Variants in OGFOD1 observed in about 807,000 individuals in gnomAD.
The protein encoded by OGFOD1 is prolyl 3-hydroxylase OGFOD1.
Under a neutral mutation model 67.7 loss-of-function variants are expected in OGFOD1, and 54 were observed. The observed-to-expected ratio is 0.80, with a 90% CI of 0.64 to 1.00. The LOEUF is 1.00. OGFOD1 is among the 50% of genes least tolerant of loss of function. OGFOD1 has a pLI of 0.00. For synonymous variants in OGFOD1, 221 were observed against 227.0 expected, an observed-to-expected ratio of 0.97 and a Z score of 0.24; for missense variants, 606 against 646.7, an observed-to-expected ratio of 0.94 and a Z score of 0.68.
At chr16:56,464,267 G>C (rs1181609989) in intron 4 of OGFOD1, among the ~76,000 whole-genome samples, 1 of 152,204 alleles carries the variant, frequency 6.6e-6, no homozygotes, top group African/African-American at 2.4e-5. Context: ...CATGGTTTCA[G>C]TGTGTCACAT....
Position 56,476,277 on chromosome 16 carries a change from G to T in OGFOD1, c.*72G>T. 7.1e-7 allele frequency: 1 copy of T among 1,408,104 alleles called. No homozygotes were observed. The highest frequency in any genetic ancestry group is 9.7e-7 in the Non-Finnish European group (1 of 1,029,054). 87.2% of individuals were successfully genotyped at this position (1,408,104 alleles called of 1,614,324 possible). A position where few individuals can be genotyped will look rare whatever the true frequency, so the allele number is the denominator to read the frequency against. On this transcript the variant is annotated 3_prime_UTR_variant, in exon 13 of 13. Coordinates refer to ENST00000566157, the MANE Select transcript of OGFOD1 (RefSeq NM_018233.4). ...GGGAAGTCTGAAAGAGCTAAGCATG[G>T]AGTCAAGGAGAACTACATGGTAGCT...
chr16:56,463,423 G>C (rs1299874527), intron 4 of OGFOD1, among the ~76,000 whole-genome samples: 1 of 71,048 alleles, frequency 1.4e-5, no homozygotes, highest in East Asian at 4.3e-4. Context: ...TTGGTTTGTT[G>C]GTTCGTTGGT....
At chr16:56,463,977 C>G (rs1390968925) in intron 4 of OGFOD1, among the ~76,000 whole-genome samples, 1 of 152,078 alleles carries the variant, frequency 6.6e-6, no homozygotes, top group Non-Finnish European at 1.5e-5. Flanking sequence ...ATTCAGGTTT[C>G]ATTATTTGGT....
chr16:56,461,096 C>T (rs1962696103), intron 3 of OGFOD1, among the ~76,000 whole-genome samples: 2 of 152,350 alleles, frequency 1.3e-5, no homozygotes, highest in South Asian at 4.1e-4. Flanking sequence ...TCTTCTAAAA[C>T]AGTGCCACCC....
intron 4 of OGFOD1, among the ~76,000 whole-genome samples, chr16:56,463,384 G>GT (rs56388148): frequency 0.033 from 1,447 of 43,836 alleles, 94 homozygotes; most frequent in African/African-American, 0.045. Flanking sequence ...TCTTTTTTGG[G>GT]TTTTTTTTTT....
Position 56,467,940 on chromosome 16 carries a change from T to C in OGFOD1, c.822T>C (p.Tyr274=), listed in dbSNP as rs774046136. 8.7e-6 allele frequency: 14 copies of C among 1,607,210 alleles called. No individual in the cohort carries two copies. The highest frequency in any genetic ancestry group is 1.1e-5 in the Non-Finnish European group (13 of 1,173,770). Residue 274 remains tyrosine, a synonymous_variant, in exon 8 of 13, where the codon TAT becomes TAC. Coordinates refer to ENST00000566157, the MANE Select transcript of OGFOD1 (RefSeq NM_018233.4). ...TGTATGATTGGATCAACCCTACTTA[T>C]CTGGACATGGATTACCAAGTTCAAA... The part of the protein sequence containing the change: ...EILYDWINPT[Y]LDMDYQVQIQ...
intron 1 of OGFOD1, among the ~76,000 whole-genome samples, chr16:56,452,694 T>G (rs1962382018): frequency 6.6e-6 from 1 of 152,158 alleles, no homozygotes; most frequent in African/African-American, 2.4e-5. Flanking sequence ...AATGAGATCA[T>G]GGGCCTGGCA....
chr16:56,453,280 A>G lies in OGFOD1; in HGVS notation c.172A>G (p.Met58Val), dbSNP rs371136180. 6.2e-7 allele frequency: 1 copy of G among 1,613,194 alleles called. No individual in the cohort carries two copies. The highest frequency in any genetic ancestry group is 8.5e-7 in the Non-Finnish European group (1 of 1,179,796). Residue 58 changes from methionine to valine, a missense_variant, in exon 2 of 13, where the codon ATG becomes GTG. Physicochemically the swap from Met to Val is conservative, Grantham distance 21 (BLOSUM62 1). Transcript: ENST00000566157. ...TCCAACAGAAGTCATTGTCATGGAC[A>G]TGGACCCTTTTCTTCACTGTGTGAT... The part of the protein sequence containing the change: ...PFSHEVIVMD[M>V]DPFLHCVIPN...
intron 9 of OGFOD1, 69 bp from the exon 10 acceptor site, chr16:56,470,418 C>T (rs779671246): frequency 7.4e-7 from 1 of 1,359,016 alleles, no homozygotes; most frequent in African/African-American, 1.5e-5. Context: ...AGCTAACGAT[C>T]AGCTTTTATT....
intron 4 of OGFOD1, chr16:56,465,895 G>A: frequency 3.1e-6 from 1 of 320,472 alleles, no homozygotes; most frequent in Non-Finnish European, 5.8e-6. Context: ...AATACTGGAA[G>A]ATGATATGTA....
chr16:56,451,628 C>T lies in OGFOD1; in HGVS notation c.16C>T (p.Pro6Ser). ...TTGGGAAGAGATGAATGGGAAGCGG[C>T]CAGCGGAGCCCGGCCCAGCCCGGGT... is the stretch of plus-strand genomic sequence containing the variant. The part of the protein sequence containing the change: MNGKR[P>S]AEPGPARVGK... The change falls in exon 1 of 13, where the codon CCA becomes TCA. Residue 6 changes from proline (P) to serine (S), a missense_variant. Physicochemically the swap from Pro to Ser is moderately conservative, Grantham distance 74. Coordinates refer to ENST00000566157, the MANE Select transcript of OGFOD1 (RefSeq NM_018233.4). 1 of 1,613,728 alleles carries T rather than the reference C, an allele frequency of 6.2e-7. No individual in the cohort carries two copies. Among genetic ancestry groups the T allele is most frequent in the Non-Finnish European group, 8.5e-7 (1 of 1,179,982 alleles).
Position 56,476,398 on chromosome 16 carries a change from C to A in OGFOD1, c.*193C>A. 8.3e-6 allele frequency: 3 copies of A among 359,364 alleles called. No homozygotes were observed. Among genetic ancestry groups the A allele is most frequent in the Admixed American group, 4.9e-5 (1 of 20,298 alleles). The allele number at this position is 359,364 out of a possible 1,614,324, so 22.3% of individuals were successfully genotyped here. On this transcript the variant is annotated 3_prime_UTR_variant, in exon 13 of 13. Coordinates refer to ENST00000566157, the MANE Select transcript of OGFOD1 (RefSeq NM_018233.4). ...TGAGCTTGCAGCTAAGTACTTATCT[C>A]TTGATTAAAAAAAAAAAGTTGGCTT...
intron 3 of OGFOD1, among the ~76,000 whole-genome samples, chr16:56,461,967 C>T (rs1962725639): frequency 6.6e-6 from 1 of 151,920 alleles, no homozygotes; most frequent in Admixed American, 6.6e-5. Context: ...CTGGTGCATC[C>T]CTGTAGTCCC....
At chr16:56,461,326 G>C (rs1962703287) in intron 3 of OGFOD1, among the ~76,000 whole-genome samples, 3 of 152,200 alleles carry the variant, frequency 2.0e-5, no homozygotes, top group Non-Finnish European at 2.9e-5. Flanking sequence ...CAGGATTGCT[G>C]AACTCCCATG....
intron 2 of OGFOD1, 140 bp from the exon 3 acceptor site, chr16:56,458,408 G>T: frequency 1.4e-6 from 1 of 736,434 alleles, no homozygotes; most frequent in African/African-American, 1.7e-5. Flanking sequence ...GAGGGGCCCT[G>T]TGTTAAACCT....
Position 56,475,517 on chromosome 16 carries a change from A to G in OGFOD1, c.1419A>G (p.Pro473=), listed in dbSNP as rs906675106. 4 of 1,613,968 alleles carry G rather than the reference A, an allele frequency of 2.5e-6. No individual in the cohort carries two copies. In the African/African-American group the frequency reaches 4.0e-5, roughly 16 times the overall value. ...TTTTTCTCTTGTAAGGCTGGGAGCCAGAATATGGCGGTTTTACTTCTTACA... is the reference window on the plus strand; with the variant it reads ...TTTTTCTCTTGTAAGGCTGGGAGCCGGAATATGGCGGTTTTACTTCTTACA... The part of the protein sequence containing the change: ...ILYCGCEGWE[P]EYGGFTSYIA... The change falls in exon 12 of 13, where the codon CCA becomes CCG. Residue 473 remains proline, a synonymous_variant. Coordinates refer to ENST00000566157, the MANE Select transcript of OGFOD1 (RefSeq NM_018233.4).
intron 4 of OGFOD1, among the ~76,000 whole-genome samples, chr16:56,464,085 T>C (rs1596974120): frequency 6.6e-6 from 1 of 152,188 alleles, no homozygotes; most frequent in South Asian, 2.1e-4. Flanking sequence ...CCCTCCATCT[T>C]TCCTGGACTT....
chr16:56,469,943 A>C, intron 8 of OGFOD1, 60 bp from the exon 9 acceptor site: 1 of 1,468,136 alleles, frequency 6.8e-7, no homozygotes. Flanking sequence ...TGTACCTGCC[A>C]AACCAGTGCG....
chr16:56,474,738 C>T, intron 10 of OGFOD1, 90 bp from the exon 11 acceptor site: 1 of 946,426 alleles, frequency 1.1e-6, no homozygotes, highest in Non-Finnish European at 1.6e-6. Context: ...CCCTGTGTTG[C>T]TGTATCATTC....
Sources: gnomAD v4.1 joint callset for allele counts (sites outside exome capture counted in the v4.1 genomes callset) on GRCh38, gnomAD v4.1.1 for gene constraint, MANE v1.5 for transcripts, NCBI Gene and HGNC (gene_info 2026-07-23, HGNC 2026-07-21) for gene names.